RIMS1: variants seen among roughly 807,000 people sequenced by gnomAD.
RIMS1 encodes the protein regulating synaptic membrane exocytosis 1, also known as regulating synaptic membrane exocytosis protein 1.
Under a neutral mutation model 214.1 loss-of-function variants are expected in RIMS1, and 83 were observed. That is an observed-to-expected ratio of 0.39 (90% CI 0.32 to 0.47). RIMS1 has a LOEUF of 0.47. RIMS1 is among the 20% of genes least tolerant of loss of function. The probability of loss-of-function intolerance (pLI) is 0.99; values close to 1 mark genes in which losing one functional copy is unlikely to be tolerated. For synonymous variants in RIMS1, 793 were observed against 786.8 expected (o/e 1.01, Z -0.13); for missense variants, 2,050 against 2,161.8 (o/e 0.95, Z 1.03).
intron 2 of RIMS1, among the ~76,000 whole-genome samples, chr6:72,064,169 T>A (rs916730735): frequency 6.6e-6 from 1 of 152,114 alleles, no homozygotes; most frequent in Non-Finnish European, 1.5e-5. Context: ...AACACAAAAA[T>A]TAGCCAGGCA....
At chr6:72,372,419 T>G (rs2098247448) in intron 29 of RIMS1, among the ~76,000 whole-genome samples, 1 of 152,216 alleles carries the variant, frequency 6.6e-6, no homozygotes, top group Non-Finnish European at 1.5e-5. Context: ...AAAGATTTTT[T>G]TATGTGTTTA....
chr6:72,243,849 G>A (rs1287055283), intron 10 of RIMS1, among the ~76,000 whole-genome samples: 1 of 151,424 alleles, frequency 6.6e-6, no homozygotes, highest in African/African-American at 2.4e-5. Context: ...ATAATTTAAA[G>A]ATTATAGAAT....
intron 2 of RIMS1, among the ~76,000 whole-genome samples, chr6:71,978,183 T>C (rs1797632859): frequency 6.6e-6 from 1 of 152,156 alleles, no homozygotes; most frequent in Non-Finnish European, 1.5e-5. Context: ...GTCACTGTTC[T>C]TTGAATGCGG....
At chr6:72,013,716 C>T (rs904026608) in intron 2 of RIMS1, among the ~76,000 whole-genome samples, 4 of 152,144 alleles carry the variant, frequency 2.6e-5, no homozygotes, top group Non-Finnish European at 5.9e-5. Flanking sequence ...TTTAAAATAA[C>T]ATCTTTACTG....
At chr6:72,212,893 G>A in intron 6 of RIMS1, 2 of 1,245,638 alleles carry the variant, frequency 1.6e-6, no homozygotes, top group Non-Finnish European at 2.0e-6. Flanking sequence ...TTGGGTAACT[G>A]CACAGTGCCT....
chr6:72,102,408 A>G (rs2033811842), intron 4 of RIMS1, among the ~76,000 whole-genome samples: 1 of 152,032 alleles, frequency 6.6e-6, no homozygotes, highest in Admixed American at 6.6e-5. Flanking sequence ...CTTTCAACAT[A>G]TGAAAGCTGC....
intron 2 of RIMS1, among the ~76,000 whole-genome samples, chr6:72,093,811 A>G (rs1267276808): frequency 6.6e-6 from 1 of 151,902 alleles, no homozygotes; most frequent in East Asian, 1.9e-4. Context: ...CATACACTCT[A>G]TTTCAATTAT....
chr6:72,248,985 G>A (rs960713098), intron 12 of RIMS1, among the ~76,000 whole-genome samples: 2 of 152,022 alleles, frequency 1.3e-5, no homozygotes, highest in Non-Finnish European at 2.9e-5. Context: ...CACATATTTT[G>A]AAAGAGGATG....
At chr6:72,178,469 G>T (rs1222111255) in intron 4 of RIMS1, among the ~76,000 whole-genome samples, 1 of 152,074 alleles carries the variant, frequency 6.6e-6, no homozygotes, top group Non-Finnish European at 1.5e-5. Context: ...TATTCATCCT[G>T]ATGCAATATT....
intron 10 of RIMS1, 59 bp downstream of exon 10, chr6:72,242,496 T>G: frequency 7.8e-7 from 1 of 1,275,478 alleles, no homozygotes; most frequent in Non-Finnish European, 1.1e-6. Flanking sequence ...AGTAGGGTTT[T>G]AAAAAGAATT....
rs551956520 is a variant in RIMS1, at chr6:72,168,493, C to T, written c.472-11082C>T. On this transcript the variant is annotated intron_variant, in intron 4 of 33. Coordinates refer to ENST00000521978, the MANE Select transcript of RIMS1 (RefSeq NM_014989.7). ...GATTATTAGTTTGGGGTGGGCTGTC[C>T]ACATGTGCAGTGGCGTGCTAGCACT... 5.1e-4 allele frequency among the ~76,000 whole-genome samples: 78 copies of T among 152,192 alleles called. 1 individual carries two copies. The South Asian group carries it at 0.016, about 31-fold the overall frequency.
chr6:71,999,821 T>A (rs1804574433), intron 2 of RIMS1, among the ~76,000 whole-genome samples: 1 of 152,132 alleles, frequency 6.6e-6, no homozygotes, highest in Admixed American at 6.6e-5. Context: ...TCTTTTGTAG[T>A]CAGCACATAT....
chr6:71,899,373 G>A (rs1772861499), intron 1 of RIMS1, among the ~76,000 whole-genome samples: 1 of 151,794 alleles, frequency 6.6e-6, no homozygotes, highest in African/African-American at 2.4e-5. Context: ...CTCTTCACTT[G>A]GAGGTTTGAC....
intron 29 of RIMS1, among the ~76,000 whole-genome samples, chr6:72,340,874 A>G (rs1174155153): frequency 2.0e-5 from 3 of 152,082 alleles, no homozygotes; most frequent in Non-Finnish European, 4.4e-5. Flanking sequence ...TACCTTGGGC[A>G]GTATGGCCAT....
At chr6:72,011,565 T>G (rs1810620414) in intron 2 of RIMS1, among the ~76,000 whole-genome samples, 1 of 152,024 alleles carries the variant, frequency 6.6e-6, no homozygotes, top group Non-Finnish European at 1.5e-5. Flanking sequence ...GGAGAAAATT[T>G]TTGCAATCTA....
At chr6:71,956,529 A>C (rs1217453327) in intron 1 of RIMS1, among the ~76,000 whole-genome samples, 7 of 152,158 alleles carry the variant, frequency 4.6e-5, no homozygotes, top group Admixed American at 4.6e-4. Context: ...TTGGTGTTAG[A>C]TTTTGAAAAA....
intron 23 of RIMS1, among the ~76,000 whole-genome samples, chr6:72,274,714 T>C (rs2085270195): frequency 6.6e-6 from 1 of 152,120 alleles, no homozygotes; most frequent in Admixed American, 6.6e-5. Context: ...GGAAACAAAT[T>C]TAAATACTGT....
intron 4 of RIMS1, among the ~76,000 whole-genome samples, chr6:72,122,674 G>C (rs1383498937): frequency 6.6e-6 from 1 of 151,770 alleles, no homozygotes; most frequent in Non-Finnish European, 1.5e-5. Flanking sequence ...GGTGTATTCA[G>C]GGATTCAACT....
intron 26 of RIMS1, among the ~76,000 whole-genome samples, chr6:72,296,404 C>T (rs2094099471): frequency 6.6e-6 from 1 of 151,834 alleles, no homozygotes; most frequent in Non-Finnish European, 1.5e-5. Context: ...AATGTTCTGG[C>T]CCTGGCTGCA....
Sources: gnomAD v4.1 joint callset for allele counts (sites outside exome capture counted in the v4.1 genomes callset) on GRCh38, gnomAD v4.1.1 for gene constraint, MANE v1.5 for transcripts, NCBI Gene and HGNC (gene_info 2026-07-23, HGNC 2026-07-21) for gene names.